HACE1: variants seen among roughly 807,000 people sequenced by gnomAD.
HACE1 encodes the protein HECT domain and ankyrin repeat containing E3 ubiquitin protein ligase 1, also known as E3 ubiquitin-protein ligase HACE1.
HACE1 carries 73 observed loss-of-function variants against 118.4 expected under a neutral mutation model. The ratio of observed to expected loss-of-function variants is 0.62; its 90% CI spans 0.51 to 0.75. HACE1 has a LOEUF of 0.75. HACE1 is among the 30% of genes least tolerant of loss of function. HACE1 has a pLI of 0.00. For synonymous variants in HACE1, 368 were observed against 374.8 expected (o/e 0.98, Z 0.21); for missense variants, 749 against 1,102.2 (o/e 0.68, Z 4.54).
Position 104,791,584 on chromosome 6 carries a change from G to C in HACE1, c.994C>G (p.Arg332Gly). 6.2e-7 allele frequency: 1 copy of C among 1,610,790 alleles called. No homozygotes were observed. The highest frequency in any genetic ancestry group is 1.1e-5 in the South Asian group (1 of 91,000). The change falls in exon 11 of 24, where the codon CGA (arginine) becomes GGA (glycine). Residue 332 changes from arginine to glycine, a missense_variant. This residue lies in a region of HACE1 where 267 missense variants were observed against 312.2 expected (regional missense o/e 0.86). Coordinates refer to ENST00000262903, the MANE Select transcript of HACE1 (RefSeq NM_020771.4). ...TTACTGGGGGAGGATGGACCAATTC[G>C]AAAGACGTGACAAAACATTCTCACA... is the stretch of plus-strand genomic sequence containing the variant. ...RIVRMFCHVF[R>G]IGPSSPSNGI...
intron 6 of HACE1, among the ~76,000 whole-genome samples, chr6:104,822,238 C>T (rs1772821124): frequency 6.7e-6 from 1 of 149,692 alleles, no homozygotes; most frequent in Admixed American, 6.7e-5. Flanking sequence ...AAAAAATTAT[C>T]CAGGCGTGGT....
chr6:104,780,474 G>A, intron 14 of HACE1: 1 of 343,718 alleles, frequency 2.9e-6, no homozygotes, highest in South Asian at 2.4e-5. Flanking sequence ...ACCACCAACA[G>A]AAGAAGAAGT....
At chr6:104,761,561 A>G (rs1779358097) in intron 19 of HACE1, among the ~76,000 whole-genome samples, 1 of 152,252 alleles carries the variant, frequency 6.6e-6, no homozygotes, top group Non-Finnish European at 1.5e-5. Context: ...GACGGATGAA[A>G]GACTTAAACG....
intron 7 of HACE1, among the ~76,000 whole-genome samples, chr6:104,806,655 A>T (rs1029538329): frequency 2.6e-5 from 4 of 152,172 alleles, no homozygotes; most frequent in African/African-American, 9.7e-5. Context: ...ACTAAAAAAA[A>T]TTACTCAACA....
intron 22 of HACE1, among the ~76,000 whole-genome samples, chr6:104,736,266 A>C (rs939099122): frequency 4.6e-5 from 7 of 151,338 alleles, no homozygotes; most frequent in African/African-American, 1.2e-4. Flanking sequence ...GTTATGTCTT[A>C]TTTATTTATT....
chr6:104,781,488 T>C (rs1031185681), intron 14 of HACE1, among the ~76,000 whole-genome samples: 3 of 152,182 alleles, frequency 2.0e-5, no homozygotes, highest in Admixed American at 6.5e-5. Context: ...TTGCTACATG[T>C]ATCTATGTAA....
intron 15 of HACE1, 25 bp downstream of exon 15, chr6:104,777,181 A>AT (rs1562346671): frequency 6.4e-7 from 1 of 1,560,334 alleles, no homozygotes; most frequent in Admixed American, 1.7e-5. Context: ...CTTCACACAT[A>AT]TATCAGTTTC....
intron 14 of HACE1, chr6:104,780,310 A>T (rs1358999600): frequency 9.0e-6 from 4 of 442,656 alleles, no homozygotes; most frequent in Non-Finnish European, 1.8e-5. Flanking sequence ...AAACACCTAC[A>T]CAGCCAAATG....
intron 1 of HACE1, among the ~76,000 whole-genome samples, chr6:104,857,935 C>A (rs1430907455): frequency 1.5e-5 from 2 of 132,592 alleles, no homozygotes; most frequent in Non-Finnish European, 3.1e-5. Context: ...CCAGCCTGGG[C>A]GACAGAGTGA....
chr6:104,758,706 C>T (rs1456665619), intron 19 of HACE1, among the ~76,000 whole-genome samples: 1 of 152,058 alleles, frequency 6.6e-6, no homozygotes, highest in African/African-American at 2.4e-5. Flanking sequence ...ACAATACAAA[C>T]CTTAAATGTA....
intron 7 of HACE1, among the ~76,000 whole-genome samples, chr6:104,806,730 A>G (rs991924914): frequency 2.0e-5 from 3 of 152,148 alleles, no homozygotes; most frequent in Non-Finnish European, 2.9e-5. Flanking sequence ...ATTGATTGAG[A>G]TAATACTCTC....
chr6:104,739,425 T>C (rs1776361009), intron 22 of HACE1, among the ~76,000 whole-genome samples: 2 of 152,022 alleles, frequency 1.3e-5, no homozygotes, highest in African/African-American at 4.8e-5. Flanking sequence ...GAAACCCATC[T>C]CACGTGCAGA....
chr6:104,784,395 TC>T, intron 13 of HACE1, 21 bp downstream of exon 13: 1 of 1,527,546 alleles, frequency 6.5e-7, no homozygotes, highest in Non-Finnish European at 9.1e-7. Context: ...AGCAGGGTAC[TC>T]CACAAACCCA....
intron 1 of HACE1, chr6:104,858,474 C>T (rs1479604637): frequency 2.3e-5 from 9 of 396,554 alleles, no homozygotes; most frequent in Non-Finnish European, 3.5e-5. Flanking sequence ...GAGCAGGGTG[C>T]GGATCACTTG....
intron 19 of HACE1, among the ~76,000 whole-genome samples, chr6:104,766,109 A>C (rs577495123): frequency 6.6e-6 from 1 of 152,344 alleles, no homozygotes; most frequent in East Asian, 1.9e-4. Flanking sequence ...AAGAAAAGAA[A>C]AGACATGAGT....
rs149608119 is a variant in HACE1, at chr6:104,735,367, G to A, written c.2514-4951C>T. On this transcript the variant is annotated intron_variant, in intron 22 of 23. Coordinates refer to ENST00000262903, the MANE Select transcript of HACE1 (RefSeq NM_020771.4). ...AAATGGGCCGGGTGCGGTGGCTCAC[G>A]CCTACATGTAATCCCAGCATTTTGG... is the stretch of plus-strand genomic sequence containing the variant. 1.4e-3 allele frequency among the ~76,000 whole-genome samples: 219 copies of A among 152,140 alleles called. 1 individual carries two copies. Among genetic ancestry groups the A allele is most frequent in the African/African-American group, 5.0e-3 (208 of 41,544 alleles).
At chr6:104,784,035 T>C in intron 14 of HACE1, 51 bp downstream of exon 14, 2 of 915,586 alleles carry the variant, frequency 2.2e-6, no homozygotes, top group East Asian at 4.9e-5. Context: ...TATTAGAATT[T>C]TAGAAATTAA....
chr6:104,797,276 T>C (rs1769759136), intron 7 of HACE1, among the ~76,000 whole-genome samples: 2 of 152,042 alleles, frequency 1.3e-5, no homozygotes, highest in Admixed American at 1.3e-4. Context: ...AGTCATAATA[T>C]TTTGGGGATA....
chr6:104,779,305 A>G (rs1255390014), intron 14 of HACE1, among the ~76,000 whole-genome samples: 1 of 152,212 alleles, frequency 6.6e-6, no homozygotes, highest in Non-Finnish European at 1.5e-5. Context: ...GGACACCAAT[A>G]AATTTCTTCA....
Sources: allele counts gnomAD v4.1 joint callset (sites outside exome capture counted in the v4.1 genomes callset), GRCh38; gene constraint gnomAD v4.1.1; regional missense constraint gnomAD v4.1.1; transcripts MANE v1.5; gene names NCBI Gene and HGNC (gene_info 2026-07-23, HGNC 2026-07-21).